KCNQ3: variants seen among roughly 807,000 people sequenced by gnomAD.
The protein encoded by KCNQ3 is potassium voltage-gated channel subfamily KQT member 3.
In KCNQ3, 30 loss-of-function variants were observed where a neutral mutation model predicts 92.5. That is an observed-to-expected ratio of 0.32 (90% CI 0.24 to 0.44). The LOEUF (loss-of-function observed/expected upper bound fraction) is 0.44, where lower values mean the gene tolerates loss of function less well. Ranked by LOEUF, KCNQ3 falls within the 20% of genes least tolerant of loss-of-function variation. The pLI is 1.00. For missense variants in KCNQ3, 913 were observed against 1,140.3 expected, an observed-to-expected ratio of 0.80 and a Z score of 2.87; for synonymous variants, 450 against 468.8, an observed-to-expected ratio of 0.96 and a Z score of 0.52.
rs183248725 is a variant in KCNQ3 at position 132,374,445 on chromosome 8, C to T, written c.386+105702G>A. 4.6e-3 allele frequency among the ~76,000 whole-genome samples: 700 copies of T among 152,304 alleles called. 5 individuals are homozygous for T. Among genetic ancestry groups the T allele is most frequent in the African/African-American group, 0.016 (653 of 41,574 alleles). ...TCCCCGACCCACTTCTATCCTACCT[C>T]CTACTGCAGGGGCCTTGGCCCAGTA... On this transcript the variant is annotated intron_variant, in intron 1 of 14. Coordinates refer to ENST00000388996, the MANE Select transcript of KCNQ3 (RefSeq NM_004519.4).
Position 132,380,378 on chromosome 8 carries a change from T to G in KCNQ3, c.386+99769A>C, listed in dbSNP as rs112311257. Among the ~76,000 whole-genome samples, 512 of 152,286 alleles carry G rather than the reference T, an allele frequency of 3.4e-3. 4 individuals are homozygous for G. The highest frequency in any genetic ancestry group is 0.011 in the African/African-American group (472 of 41,572). On this transcript the variant is annotated intron_variant, in intron 1 of 14. Coordinates refer to ENST00000388996, the MANE Select transcript of KCNQ3 (RefSeq NM_004519.4). ...AGCATCTCAATGGCTACTTTATAGATATGGTCACCTGCATAGATAGGAAGT... is the reference window on the plus strand; with the variant it reads ...AGCATCTCAATGGCTACTTTATAGAGATGGTCACCTGCATAGATAGGAAGT...
In KCNQ3 at chr8:132,441,309, G is replaced by C. The variant is rs546988425; in HGVS notation, c.386+38838C>G. On this transcript the variant is annotated intron_variant, in intron 1 of 14. Transcript: ENST00000388996. The stretch of plus-strand genomic sequence containing the variant: ...CTCACGCCTGTAATCCCAGCACTTT[G>C]GGAGGCCAAGGCAGGTGGATCACAA... Among the ~76,000 whole-genome samples, 4 of 152,346 alleles carry C rather than the reference G, an allele frequency of 2.6e-5. No homozygotes were observed. The East Asian group carries it at 7.7e-4, about 29-fold the overall frequency.
intron 1 of KCNQ3, among the ~76,000 whole-genome samples, chr8:132,366,013 A>G (rs1819313488): frequency 6.6e-6 from 1 of 152,218 alleles, no homozygotes; most frequent in South Asian, 2.1e-4. Context: ...CCCGGTTGAC[A>G]GAGCCAGACC....
intron 1 of KCNQ3, among the ~76,000 whole-genome samples, chr8:132,326,341 C>G (rs994059939): frequency 6.6e-5 from 10 of 152,170 alleles, no homozygotes; most frequent in African/African-American, 2.4e-4. Context: ...GATTCTGACT[C>G]TTGGTCAAAG....
intron 1 of KCNQ3, among the ~76,000 whole-genome samples, chr8:132,456,592 ATT>A (rs550321098): frequency 0.1 from 15,348 of 148,886 alleles, 836 homozygotes; most frequent in African/African-American, 0.16. Flanking sequence ...TTAGCTTTCT[ATT>A]TTTTTTTTAT....
intron 1 of KCNQ3, among the ~76,000 whole-genome samples, chr8:132,458,403 G>T (rs1821990554): frequency 6.6e-6 from 1 of 152,190 alleles, no homozygotes; most frequent in Admixed American, 6.6e-5. Context: ...ATGCCTACAT[G>T]CACAAAACCC....
intron 1 of KCNQ3, among the ~76,000 whole-genome samples, chr8:132,329,441 G>A (rs1197057391): frequency 2.0e-5 from 3 of 152,300 alleles, no homozygotes; most frequent in South Asian, 4.1e-4. Context: ...ATAGCAAAAC[G>A]TCTGCTAGTA....
At chr8:132,320,950 G>A (rs1817877971) in intron 1 of KCNQ3, among the ~76,000 whole-genome samples, 2 of 152,126 alleles carry the variant, frequency 1.3e-5, no homozygotes, top group African/African-American at 4.8e-5. Flanking sequence ...AATCACCTGG[G>A]TGCCTTTAAA....
chr8:132,444,239 A>T (rs1821616425), intron 1 of KCNQ3, among the ~76,000 whole-genome samples: 1 of 151,914 alleles, frequency 6.6e-6, no homozygotes, highest in Admixed American at 6.6e-5. Context: ...TGCCCCTCTA[A>T]TCCTTTTGCA....
chr8:132,128,988 T>C lies in KCNQ3; in HGVS notation c.*274A>G, dbSNP rs1824758499. 6.0e-6 allele frequency: 3 copies of C among 502,126 alleles called. No individual in the cohort carries two copies. The highest frequency in any genetic ancestry group is 6.6e-5 in the Admixed American group (2 of 30,200). The allele number at this position is 502,126 out of a possible 1,614,324, so 31.1% of individuals were successfully genotyped here. On this transcript the variant is annotated 3_prime_UTR_variant, in exon 15 of 15. Coordinates refer to ENST00000388996, the MANE Select transcript of KCNQ3 (RefSeq NM_004519.4). The stretch of plus-strand genomic sequence containing the variant: ...GTACTGGTCCAATCGTGATTAAAAG[T>C]AAGAACAGCAGATAAATGTGTATCC...
At chr8:132,244,404 GA>G (rs1261469485) in intron 1 of KCNQ3, among the ~76,000 whole-genome samples, 2 of 151,812 alleles carry the variant, frequency 1.3e-5, no homozygotes, top group East Asian at 3.9e-4. Flanking sequence ...GGGAGAGAAG[GA>G]AAGAGAAAAG....
intron 1 of KCNQ3, among the ~76,000 whole-genome samples, chr8:132,406,700 T>C (rs55910321): frequency 0.14 from 21,062 of 152,142 alleles, 1,941 homozygotes; most frequent in Non-Finnish European, 0.21. Flanking sequence ...ATTAAGCATA[T>C]GAAACACCAT....
intron 1 of KCNQ3, among the ~76,000 whole-genome samples, chr8:132,303,331 C>T (rs1293612390): frequency 6.6e-6 from 1 of 151,486 alleles, no homozygotes. Context: ...ACCTCACGGT[C>T]TATTTAAAAA....
chr8:132,181,025 A>G (rs988300871), intron 3 of KCNQ3, among the ~76,000 whole-genome samples: 30 of 152,126 alleles, frequency 2.0e-4, no homozygotes, highest in Non-Finnish European at 2.9e-5. Context: ...ACACTGGCCT[A>G]GTGATCTCCC....
In KCNQ3 at chr8:132,325,341, T is replaced by C. The variant is rs562694046; in HGVS notation, c.387-139160A>G. The stretch of plus-strand genomic sequence containing the variant: ...GTCTAATATAGGCTTGGGGCATTTG[T>C]CAAGACCTTTCCATTTCTGAGCCTT... On this transcript the variant is annotated intron_variant, in intron 1 of 14. Coordinates refer to ENST00000388996, the MANE Select transcript of KCNQ3 (RefSeq NM_004519.4). 2.8e-4 allele frequency among the ~76,000 whole-genome samples: 43 copies of C among 152,234 alleles called. No homozygotes were observed. In the South Asian group the frequency reaches 8.7e-3, roughly 31 times the overall value.
chr8:132,317,028 C>T (rs921867595), intron 1 of KCNQ3, among the ~76,000 whole-genome samples: 1 of 152,158 alleles, frequency 6.6e-6, no homozygotes, highest in Non-Finnish European at 1.5e-5. Flanking sequence ...TGTTTGCTTA[C>T]ATTTACAATA....
At chr8:132,367,019 A>G (rs968405993) in intron 1 of KCNQ3, among the ~76,000 whole-genome samples, 1 of 152,258 alleles carries the variant, frequency 6.6e-6, no homozygotes, top group African/African-American at 2.4e-5. Flanking sequence ...ATCTTAAAAA[A>G]TGAGCAAGAA....
intron 1 of KCNQ3, among the ~76,000 whole-genome samples, chr8:132,273,840 C>T (rs1036901730): frequency 6.6e-6 from 1 of 152,190 alleles, no homozygotes; most frequent in Non-Finnish European, 1.5e-5. Context: ...TTTGCTAAAA[C>T]ATAACAAAAA....
chr8:132,317,662 A>G (rs947515986), intron 1 of KCNQ3, among the ~76,000 whole-genome samples: 3 of 152,314 alleles, frequency 2.0e-5, no homozygotes, highest in African/African-American at 7.2e-5. Context: ...CAGCCCAGGC[A>G]GTGGAACTCG....
Sources: gnomAD v4.1 joint callset for allele counts (sites outside exome capture counted in the v4.1 genomes callset) on GRCh38, gnomAD v4.1.1 for gene constraint, MANE v1.5 for transcripts, NCBI Gene and HGNC (gene_info 2026-07-23, HGNC 2026-07-21) for gene names.